KARS1: variants seen among roughly 807,000 people sequenced by gnomAD.
KARS1 encodes the protein lysine--tRNA ligase.
KARS1 carries 50 observed loss-of-function variants against 63.9 expected under a neutral mutation model. The ratio of observed to expected loss-of-function variants is 0.78; its 90% confidence interval spans 0.62 to 0.99. KARS1 has a LOEUF of 0.99. Among genes scored for constraint, KARS1 ranks in the 50% least tolerant of loss-of-function variants. The pLI is 0.00. For missense variants in KARS1, 816 were observed against 754.5 expected, an observed-to-expected ratio of 1.08 and a Z score of -0.95; for synonymous variants, 320 against 264.6, an observed-to-expected ratio of 1.21 and a Z score of -2.03.
At chr16:75,643,145 C>A (rs1166053860) in intron 1 of KARS1, among the ~76,000 whole-genome samples, 1 of 152,194 alleles carries the variant, frequency 6.6e-6, no homozygotes, top group Non-Finnish European at 1.5e-5. Context: ...AATTTGCTAT[C>A]TGAAACCAGA....
intron 12 of KARS1, 35 bp from the exon 13 acceptor site, chr16:75,628,747 T>C: frequency 6.2e-7 from 1 of 1,612,524 alleles, no homozygotes; most frequent in Non-Finnish European, 8.5e-7. Flanking sequence ...GGTGACCTTC[T>C]TCTAAGATAT....
intron 1 of KARS1, among the ~76,000 whole-genome samples, chr16:75,645,085 T>C (rs1476808393): frequency 1.3e-5 from 2 of 152,328 alleles, no homozygotes; most frequent in African/African-American, 4.8e-5. Flanking sequence ...GCTATTTCAC[T>C]CGGGCAGGGA....
intron 1 of KARS1, chr16:75,644,215 C>G: frequency 1.4e-6 from 2 of 1,443,664 alleles, no homozygotes; most frequent in Non-Finnish European, 1.9e-6. Flanking sequence ...AGAGGCTTAA[C>G]GGAAAATGAA....
Position 75,627,883 on chromosome 16 carries a change from A to G in KARS1, c.*12T>C, listed in dbSNP as rs1269743973. 2.8e-6 allele frequency: 4 copies of G among 1,448,566 alleles called. No individual in the cohort carries two copies. The highest frequency in any genetic ancestry group is 3.9e-6 in the Non-Finnish European group (4 of 1,029,996). 89.7% of individuals were successfully genotyped at this position (1,448,566 alleles called of 1,614,324 possible). A position where few individuals can be genotyped will look rare whatever the true frequency, so the allele number is the denominator to read the frequency against. ...AAGACGCCTGAGTTATACAACTTGC[A>G]ATTATTATTTTCTAGACAGAAGTGC... On this transcript the variant is annotated 3_prime_UTR_variant, in exon 14 of 14. Transcript: ENST00000302445.
chr16:75,645,672 T>C (rs1307590216), intron 1 of KARS1, among the ~76,000 whole-genome samples: 1 of 151,990 alleles, frequency 6.6e-6, no homozygotes, highest in Non-Finnish European at 1.5e-5. Context: ...CAAGGTCAAA[T>C]CCCGTCTCTA....
chr16:75,645,729 C>CCCAGGTACTTGGGAGGCTGAAGCA (rs2082273661), intron 1 of KARS1, among the ~76,000 whole-genome samples: 1 of 151,794 alleles, frequency 6.6e-6, no homozygotes, highest in East Asian at 1.9e-4. Flanking sequence ...CACCTGTAGT[C>CCCAGGTACTTGGGAGGCTGAAGCA]CCAGGTACTT....
chr16:75,637,461 CA>C (rs1567502090), intron 3 of KARS1, among the ~76,000 whole-genome samples: 1 of 152,006 alleles, frequency 6.6e-6, no homozygotes, highest in Non-Finnish European at 1.5e-5. Context: ...CGTTTCCATA[CA>C]GGTGAGGGTT....
chr16:75,641,487 C>T, intron 2 of KARS1, 77 bp downstream of exon 2: 1 of 1,304,124 alleles, frequency 7.7e-7, no homozygotes. Flanking sequence ...TCCTACTGTC[C>T]AGTCCCAAAG....
chr16:75,647,199 T>G (rs1291580046), intron 1 of KARS1, among the ~76,000 whole-genome samples: 1 of 152,224 alleles, frequency 6.6e-6, no homozygotes, highest in Non-Finnish European at 1.5e-5. Flanking sequence ...TATTTAACAT[T>G]TCTCCAACTT....
intron 2 of KARS1, 60 bp downstream of exon 2, chr16:75,641,504 C>T: frequency 1.3e-6 from 2 of 1,487,792 alleles, no homozygotes; most frequent in Admixed American, 1.8e-5. Flanking sequence ...AAAGAATCTG[C>T]CAGAAGCCTC....
In KARS1 at chr16:75,642,185, C is replaced by CTTTT. The variant is rs148991591; in HGVS notation, c.63-466_63-463dup. ...AGGTGAAGTTCCAACAGTGCCAGGT[C>CTTTT]TTTTTTTTTTTTTTTTTTTTTTTTT... On this transcript the variant is annotated intron_variant, in intron 1 of 13. Coordinates refer to ENST00000302445, the MANE Select transcript of KARS1 (RefSeq NM_005548.3). Among the ~76,000 whole-genome samples the CTTTT allele has an allele frequency of 1.2e-3, 77 of 63,182 alleles. 4 individuals carry two copies. Among genetic ancestry groups the CTTTT allele is most frequent in the East Asian group, 5.0e-3 (5 of 1,010 alleles). 41.4% of individuals were successfully genotyped at this position (63,182 alleles called of 152,430 possible). A position where few individuals can be genotyped will look rare whatever the true frequency, so the allele number is the denominator to read the frequency against.
Position 75,628,722 on chromosome 16 carries a change from G to T in KARS1, c.1552-10C>A, listed in dbSNP as rs370881308. On this transcript the variant is annotated splice_polypyrimidine_tract_variant and intron_variant, in intron 12 of 13. Transcript: ENST00000302445. Reference sequence around the variant, plus strand: ...CACCTGCAGCCTTGGCCTAGAAGAGGAAAGAGAACCAAAAGGTGACCTTCT... The same window carrying T: ...CACCTGCAGCCTTGGCCTAGAAGAGTAAAGAGAACCAAAAGGTGACCTTCT... 1 of 1,614,196 alleles carries T rather than the reference G, an allele frequency of 6.2e-7. No individual in the cohort carries two copies. Among genetic ancestry groups the T allele is most frequent in the Middle Eastern group, 1.7e-4 (1 of 6,060 alleles).
chr16:75,642,157 A>G (rs2082232102), intron 1 of KARS1, among the ~76,000 whole-genome samples: 2 of 137,788 alleles, frequency 1.5e-5, no homozygotes, highest in East Asian at 2.4e-4. Flanking sequence ...GTATCCCCCT[A>G]GAAGGTGAAG....
chr16:75,641,893 T>G (rs2082229213), intron 1 of KARS1, among the ~76,000 whole-genome samples, 170 bp from the exon 2 acceptor site: 1 of 152,078 alleles, frequency 6.6e-6, no homozygotes, highest in African/African-American at 2.4e-5. Flanking sequence ...GTCACTAAAC[T>G]CTTTATGTGA....
rs768155959 is a variant in KARS1, at chr16:75,631,242, T to G, written c.1264A>C (p.Ile422Leu). 1.2e-6 allele frequency: 2 copies of G among 1,614,016 alleles called. No homozygotes were observed. The highest frequency in any genetic ancestry group is 1.7e-6 in the Non-Finnish European group (2 of 1,179,982). Residue 422 changes from isoleucine to leucine, a missense_variant, in exon 10 of 14, where the codon ATT (isoleucine) becomes CTT (leucine). Physicochemically the swap from Ile to Leu is conservative, Grantham distance 5. Transcript: ENST00000302445. ...TTTGCCACACAGATATCATCAAGAATTTTGCGAGTTTCTGGGACACAAATG... is the reference window on the plus strand; with the variant it reads ...TTTGCCACACAGATATCATCAAGAAGTTTGCGAGTTTCTGGGACACAAATG... Reference protein sequence around the residue: ...NLFETEETRKILDDICVAKAV... With the variant: ...NLFETEETRKLLDDICVAKAV...
Position 75,628,689 on chromosome 16 carries a change from C to T in KARS1, c.1575G>A (p.Glu525=). ...AGAAGTTTTCATCTATGAACATGGC[C>T]TCATCATCACCTGCAGCCTTGGCCT... is the stretch of plus-strand genomic sequence containing the variant. ...QAKAKAAGDD[E]AMFIDENFCT... is the part of the protein sequence containing the mutation. The change falls in exon 13 of 14, where the codon GAG becomes GAA. Residue 525 remains glutamate (E), a synonymous_variant. Coordinates refer to ENST00000302445, the MANE Select transcript of KARS1 (RefSeq NM_005548.3). The T allele has an allele frequency of 1.9e-6, 3 of 1,614,214 alleles. No individual in the cohort carries two copies. The highest frequency in any genetic ancestry group is 1.7e-6 in the Non-Finnish European group (2 of 1,180,034).
At chr16:75,643,789 A>C (rs2082251006) in intron 1 of KARS1, among the ~76,000 whole-genome samples, 1 of 152,256 alleles carries the variant, frequency 6.6e-6, no homozygotes, top group Admixed American at 6.5e-5. Flanking sequence ...TTTCCAAAAC[A>C]CTGTGCTGGT....
In KARS1 at chr16:75,631,729, G is replaced by T. The variant is rs1196299184; in HGVS notation, c.1042C>A (p.His348Asn). The T allele has an allele frequency of 1.9e-6, 3 of 1,614,198 alleles. No homozygotes were observed. Among genetic ancestry groups the T allele is most frequent in the Non-Finnish European group, 2.5e-6 (3 of 1,180,026 alleles). Residue 348 changes from histidine (H) to asparagine (N), a missense_variant, in exon 8 of 14, where the codon CAC becomes AAC. Coordinates refer to ENST00000302445, the MANE Select transcript of KARS1 (RefSeq NM_005548.3). ...TTCTCCGTGATTTCCATGAGATCGTGATAGTCTGCATAGGCCATGTAGAAC... is the reference window on the plus strand; with the variant it reads ...TTCTCCGTGATTTCCATGAGATCGTTATAGTCTGCATAGGCCATGTAGAAC... ...CEFYMAYADY[H>N]DLMEITEKMV... is the part of the protein sequence containing the mutation.
Position 75,635,895 on chromosome 16 carries a change from A to G in KARS1, c.669+17T>C, listed in dbSNP as rs369950194. Reference sequence around the variant, plus strand: ...AGAAAGCTAGGAGGCCACAGCTAGGAGGCCAAGAACGCTTACCTTGTCTTT... The same window carrying G: ...AGAAAGCTAGGAGGCCACAGCTAGGGGGCCAAGAACGCTTACCTTGTCTTT... On this transcript the variant is annotated intron_variant, in intron 5 of 13. Transcript: ENST00000302445. The G allele has an allele frequency of 6.2e-6, 10 of 1,613,756 alleles. No individual in the cohort carries two copies. The highest frequency in any genetic ancestry group is 8.5e-6 in the Non-Finnish European group (10 of 1,179,648).
Sources: gnomAD v4.1 joint callset for allele counts (sites outside exome capture counted in the v4.1 genomes callset) on GRCh38, gnomAD v4.1.1 for gene constraint, MANE v1.5 for transcripts, NCBI Gene and HGNC (gene_info 2026-07-23, HGNC 2026-07-21) for gene names.